Variants in SQOR observed in about 807,000 individuals in gnomAD.
SQOR encodes the protein sulfide quinone oxidoreductase.
In SQOR, 39 loss-of-function variants were observed where a neutral mutation model predicts 48.6. The ratio of observed to expected loss-of-function variants is 0.80; its 90% CI spans 0.62 to 1.05. The LOEUF is 1.05. Among genes scored for constraint, SQOR ranks in the 50% least tolerant of loss-of-function variants. SQOR has a pLI of 0.00. For missense variants in SQOR, 561 were observed against 559.9 expected (o/e 1.00, Z -0.02); for synonymous variants, 220 against 206.2 (o/e 1.07, Z -0.57).
intron 1 of SQOR, among the ~76,000 whole-genome samples, chr15:45,640,165 G>T (rs922483339): frequency 6.6e-6 from 1 of 152,188 alleles, no homozygotes; most frequent in Non-Finnish European, 1.5e-5. Context: ...GCTTATTAAA[G>T]CCTTGTTATT....
At chr15:45,658,120 G>T (rs1889646616) in intron 1 of SQOR, among the ~76,000 whole-genome samples, 1 of 152,206 alleles carries the variant, frequency 6.6e-6, no homozygotes, top group Non-Finnish European at 1.5e-5. Flanking sequence ...CTATTAAGGA[G>T]AAATTGTTTA....
intron 1 of SQOR, among the ~76,000 whole-genome samples, chr15:45,656,576 GC>G (rs1252110604): frequency 6.6e-6 from 1 of 151,244 alleles, no homozygotes; most frequent in Non-Finnish European, 1.5e-5. Flanking sequence ...ACAGGTGTGA[GC>G]CACCATGCCC....
chr15:45,690,949 A>T (rs770336633), intron 9 of SQOR, 24 bp from the exon 10 acceptor site: 2 of 1,612,652 alleles, frequency 1.2e-6, no homozygotes, highest in Non-Finnish European at 1.7e-6. Context: ...CTGCAGGTAC[A>T]TTTTTTTGTG....
At chr15:45,643,080 C>A (rs747516538) in intron 1 of SQOR, among the ~76,000 whole-genome samples, 7 of 152,200 alleles carry the variant, frequency 4.6e-5, no homozygotes, top group Non-Finnish European at 8.8e-5. Context: ...TTTGTTTTCC[C>A]ATGTAAAGCC....
intron 4 of SQOR, among the ~76,000 whole-genome samples, chr15:45,670,412 G>A (rs1378184163): frequency 6.6e-6 from 1 of 152,176 alleles, no homozygotes; most frequent in Non-Finnish European, 1.5e-5. Flanking sequence ...GGGACATCTG[G>A]GTTTTGTTGT....
chr15:45,670,164 A>G (rs189745403), intron 4 of SQOR, among the ~76,000 whole-genome samples, 183 bp downstream of exon 4: 2 of 152,368 alleles, frequency 1.3e-5, no homozygotes, highest in African/African-American at 4.8e-5. Context: ...TCTGTCGATA[A>G]TAACCATATG....
chr15:45,663,647 G>C (rs1460360338), intron 3 of SQOR, among the ~76,000 whole-genome samples: 1 of 151,990 alleles, frequency 6.6e-6, no homozygotes, highest in African/African-American at 2.4e-5. Context: ...GTGTGCTGTG[G>C]TTCCAGCTAC....
chr15:45,641,043 T>C (rs569833111), intron 1 of SQOR, among the ~76,000 whole-genome samples: 29 of 152,336 alleles, frequency 1.9e-4, no homozygotes, highest in African/African-American at 5.8e-4. Flanking sequence ...TTCATTTTTT[T>C]TCCCCCTATA....
intron 1 of SQOR, among the ~76,000 whole-genome samples, chr15:45,656,487 T>TC (rs748750925): frequency 2.0e-5 from 3 of 151,522 alleles, no homozygotes; most frequent in Non-Finnish European, 4.4e-5. Context: ...AGTTGGGGTT[T>TC]CCCCATGTTT....
At chr15:45,641,016 G>A (rs1459117793) in intron 1 of SQOR, among the ~76,000 whole-genome samples, 2 of 152,146 alleles carry the variant, frequency 1.3e-5, no homozygotes, top group Admixed American at 6.5e-5. Context: ...ACAGCAAGCA[G>A]AAAAACAAGG....
chr15:45,649,517 C>T (rs1181766072), intron 1 of SQOR, among the ~76,000 whole-genome samples: 1 of 151,952 alleles, frequency 6.6e-6, no homozygotes, highest in African/African-American at 2.4e-5. Context: ...GCTCTGTTGC[C>T]CAGGCTGGAG....
intron 1 of SQOR, among the ~76,000 whole-genome samples, chr15:45,649,950 G>A (rs1889439750): frequency 6.6e-6 from 1 of 151,714 alleles, no homozygotes; most frequent in Non-Finnish European, 1.5e-5. Flanking sequence ...TCAAGTGGGG[G>A]TCCTGCCTCA....
chr15:45,632,373 C>T (rs1396872963), upstream of SQOR, among the ~76,000 whole-genome samples: 1 of 152,026 alleles, frequency 6.6e-6, no homozygotes, highest in African/African-American at 2.4e-5. Flanking sequence ...GCACGTGCCA[C>T]AATGCCCGGC....
chr15:45,654,996 G>A (rs1889568191), intron 1 of SQOR, among the ~76,000 whole-genome samples: 1 of 152,146 alleles, frequency 6.6e-6, no homozygotes, highest in Admixed American at 6.5e-5. Flanking sequence ...CAAAGCAAAG[G>A]GAAAATGGAG....
intron 7 of SQOR, among the ~76,000 whole-genome samples, chr15:45,683,084 T>A (rs1476106538): frequency 2.6e-5 from 4 of 151,008 alleles, no homozygotes; most frequent in Admixed American, 6.6e-5. Flanking sequence ...GAACCCAGTG[T>A]CATATACAGC....
intron 8 of SQOR, among the ~76,000 whole-genome samples, 162 bp from the exon 9 acceptor site, chr15:45,688,876 AT>A (rs562304322): frequency 1.2e-4 from 18 of 151,692 alleles, no homozygotes; most frequent in African/African-American, 3.9e-4. Context: ...CATTAGTACT[AT>A]TTTTTTTGTA....
At chr15:45,634,013 GA>G (rs770020721), upstream of SQOR, among the ~76,000 whole-genome samples, 1 of 149,860 alleles carries the variant, frequency 6.7e-6, no homozygotes, top group Non-Finnish European at 1.5e-5. Context: ...CATCTCTACT[GA>G]AACATACAAA....
intron 1 of SQOR, among the ~76,000 whole-genome samples, chr15:45,643,832 A>T (rs1895147683): frequency 6.6e-6 from 1 of 152,158 alleles, no homozygotes; most frequent in Non-Finnish European, 1.5e-5. Context: ...AAATGGATAA[A>T]ATAGATGTGA....
At chr15:45,671,800 CA>C (rs1889949794) in intron 4 of SQOR, among the ~76,000 whole-genome samples, 1 of 152,168 alleles carries the variant, frequency 6.6e-6, no homozygotes, top group African/African-American at 2.4e-5. Context: ...GTCTCTGCAG[CA>C]GGCCGTCCTG....
Sources: gnomAD v4.1 joint callset for allele counts (sites outside exome capture counted in the v4.1 genomes callset) on GRCh38, gnomAD v4.1.1 for gene constraint, MANE v1.5 for transcripts, NCBI Gene and HGNC (gene_info 2026-07-23, HGNC 2026-07-21) for gene names.